NQO1: variants seen among roughly 807,000 people sequenced by gnomAD.
NQO1 encodes NAD(P)H dehydrogenase [quinone] 1.
Under a neutral mutation model 32.1 loss-of-function variants are expected in NQO1, and 30 were observed. The observed-to-expected ratio is 0.94, with a 90% CI of 0.70 to 1.27. NQO1 has a LOEUF of 1.27. Among genes scored for constraint, NQO1 ranks in the 50% most tolerant of loss-of-function variants. NQO1 has a pLI of 0.00. For synonymous variants in NQO1, 109 were observed against 119.7 expected (o/e 0.91, Z 0.59); for missense variants, 276 against 331.3 (o/e 0.83, Z 1.30).
chr16:69,726,557 G>A lies in NQO1; in HGVS notation c.-118C>T. On this transcript the variant is annotated 5_prime_UTR_variant, in exon 1 of 6. The change creates a new upstream start codon in the 5' untranslated region. Coordinates refer to ENST00000320623, the MANE Select transcript of NQO1 (RefSeq NM_000903.3). The stretch of plus-strand genomic sequence containing the variant: ...CCGGCTGCAACCTTGTGGGAGTCGC[G>A]TGTGTAGTGCACGGTGCATTCTCTC... 4.4e-6 allele frequency: 6 copies of A among 1,360,042 alleles called. No individual in the cohort carries two copies. In the South Asian group the frequency reaches 7.5e-5, roughly 17 times the overall value. The allele number at this position is 1,360,042 out of a possible 1,614,324, so 84.2% of individuals were successfully genotyped here.
At chr16:69,723,623 C>A (rs1467344413) in intron 1 of NQO1, among the ~76,000 whole-genome samples, 1 of 151,714 alleles carries the variant, frequency 6.6e-6, no homozygotes, top group African/African-American at 2.4e-5. Context: ...CATGGTGAAA[C>A]CCCGTCTCTA....
chr16:69,721,216 AC>A (rs2038185170), intron 1 of NQO1, among the ~76,000 whole-genome samples: 1 of 152,148 alleles, frequency 6.6e-6, no homozygotes, highest in Non-Finnish European at 1.5e-5. Flanking sequence ...TGTCAGGACA[AC>A]CTGCTATGTT....
intron 4 of NQO1, among the ~76,000 whole-genome samples, chr16:69,714,258 C>T (rs2038082122): frequency 6.6e-6 from 1 of 151,604 alleles, no homozygotes; most frequent in Non-Finnish European, 1.5e-5. Flanking sequence ...TAACCTCCAC[C>T]TCCTGGGTTT....
At chr16:69,720,024 G>A (rs1001775587) in intron 1 of NQO1, among the ~76,000 whole-genome samples, 5 of 152,082 alleles carry the variant, frequency 3.3e-5, no homozygotes, top group African/African-American at 4.8e-5. Context: ...AGGCCAAGGC[G>A]GGAACATTGC....
intron 5 of NQO1, 46 bp downstream of exon 5, chr16:69,712,982 G>A (rs775548502): frequency 2.0e-6 from 3 of 1,495,048 alleles, no homozygotes; most frequent in Non-Finnish European, 2.8e-6. Flanking sequence ...GACAGAGTGA[G>A]ACTCCGTCTC....
chr16:69,722,196 C>G (rs568114005), intron 1 of NQO1, among the ~76,000 whole-genome samples: 38 of 152,004 alleles, frequency 2.5e-4, no homozygotes, highest in Admixed American at 2.4e-3. Context: ...TGGAGTCTTG[C>G]TCTGTCACCC....
rs2038026541 is a variant in NQO1, at chr16:69,710,708, G to A, written c.*268C>T. The A allele has an allele frequency of 7.9e-6, 3 of 379,134 alleles. No individual in the cohort carries two copies. In the East Asian group the frequency reaches 1.4e-4, roughly 18 times the overall value. The allele number at this position is 379,134 out of a possible 1,614,324, so 23.5% of individuals were successfully genotyped here. On this transcript the variant is annotated 3_prime_UTR_variant, in exon 6 of 6. Transcript: ENST00000320623. ...AAAAGAGGAATTAAATTGTGTAGAT[G>A]CCTTTAAAGAACATTTTTCTAGCAT...
chr16:69,715,489 C>T (rs2151744079), intron 3 of NQO1, among the ~76,000 whole-genome samples: 1 of 152,338 alleles, frequency 6.6e-6, no homozygotes, highest in South Asian at 2.1e-4. Flanking sequence ...GACTGTTGGC[C>T]AGGCGCAGTG....
chr16:69,712,497 G>C (rs1362105473), intron 5 of NQO1, among the ~76,000 whole-genome samples: 1 of 152,214 alleles, frequency 6.6e-6, no homozygotes, highest in East Asian at 1.9e-4. Flanking sequence ...CTAGTCCTTG[G>C]CTGGGACAGA....
At chr16:69,717,907 G>T (rs1597600362) in intron 3 of NQO1, 1 of 665,134 alleles carries the variant, frequency 1.5e-6, no homozygotes, top group East Asian at 3.1e-5. Context: ...CACCGTGCCT[G>T]GCCTTGCAGT....
rs1039580953 is a variant in NQO1 at position 69,713,709 on chromosome 16, AT to A, written c.418-581del. ...GCGTTTTATTTTATTTTATTATTTCATTTTTTTTTTCCTGTGAGACAGAGTC... is the reference window on the plus strand; with the variant it reads ...GCGTTTTATTTTATTTTATTATTTCATTTTTTTTTCCTGTGAGACAGAGTC... On this transcript the variant is annotated intron_variant, in intron 4 of 5. Coordinates refer to ENST00000320623, the MANE Select transcript of NQO1 (RefSeq NM_000903.3). Among the ~76,000 whole-genome samples the A allele has an allele frequency of 3.7e-4, 55 of 147,770 alleles. 1 individual carries two copies. The highest frequency in any genetic ancestry group is 3.5e-3 in the Middle Eastern group (1 of 288).
At chr16:69,722,252 C>T (rs1158959970) in intron 1 of NQO1, among the ~76,000 whole-genome samples, 1 of 152,134 alleles carries the variant, frequency 6.6e-6, no homozygotes, top group African/African-American at 2.4e-5. Context: ...CAACTTCTGC[C>T]TCCCGGGTTC....
chr16:69,725,625 A>G (rs141706040), intron 1 of NQO1, among the ~76,000 whole-genome samples: 1,754 of 152,300 alleles, frequency 0.012, 25 homozygotes, highest in African/African-American at 0.037. Context: ...CAGTAATCTC[A>G]GCACTTGGGG....
At position 69,713,046 on chromosome 16, in the gene NQO1, G is replaced by T; in HGVS notation, c.501C>A (p.Val167=). 6.2e-7 allele frequency: 1 copy of T among 1,613,696 alleles called. No homozygotes were observed. The highest frequency in any genetic ancestry group is 1.7e-5 in the Admixed American group (1 of 59,964). ...SLQGIHGDMN[V]ILWPIQSGIL... Reference sequence around the variant, plus strand: ...GAGGTACCTGAATTGGCCAGAGAATGACATTCATGTCCCCGTGGATCCCTT... The same window carrying T: ...GAGGTACCTGAATTGGCCAGAGAATTACATTCATGTCCCCGTGGATCCCTT... The change falls in exon 5 of 6, where the codon GTC becomes GTA. Residue 167 remains valine (V), a synonymous_variant. Coordinates refer to ENST00000320623, the MANE Select transcript of NQO1 (RefSeq NM_000903.3).
intron 1 of NQO1, among the ~76,000 whole-genome samples, chr16:69,720,484 T>C (rs1188121418): frequency 1.3e-5 from 2 of 150,716 alleles, no homozygotes; most frequent in Admixed American, 6.6e-5. Flanking sequence ...TATTTGTATG[T>C]AGACTTGCAG....
intron 4 of NQO1, among the ~76,000 whole-genome samples, chr16:69,713,359 C>G (rs546267067): frequency 6.6e-6 from 1 of 152,320 alleles, no homozygotes; most frequent in African/African-American, 2.4e-5. Context: ...CAAACCCCCA[C>G]ATGTGGCTTA....
Position 69,709,717 on chromosome 16 carries a change from GAATT to G in NQO1, c.*1255_*1258del. 1 of 398,186 alleles carries G rather than the reference GAATT, an allele frequency of 2.5e-6. No individual in the cohort carries two copies. Among genetic ancestry groups the G allele is most frequent in the Non-Finnish European group, 4.4e-6 (1 of 225,950 alleles). 24.7% of individuals were successfully genotyped at this position (398,186 alleles called of 1,614,324 possible). A position where few individuals can be genotyped will look rare whatever the true frequency, so the allele number is the denominator to read the frequency against. ...GGCAGTGTTTTATCATATTCTCCTTGAATTATATAATACCAACAGTGGAATGAGA... is the reference window on the plus strand; with the variant it reads ...GGCAGTGTTTTATCATATTCTCCTTGATATAATACCAACAGTGGAATGAGA... On this transcript the variant is annotated 3_prime_UTR_variant, in exon 6 of 6. Transcript: ENST00000320623.
rs768219556 is a variant in NQO1, at chr16:69,709,678, A to G, written c.*1298T>C. 2.8e-5 allele frequency: 11 copies of G among 397,418 alleles called. No individual in the cohort carries two copies. Among genetic ancestry groups the G allele is most frequent in the Middle Eastern group, 6.3e-4 (1 of 1,584 alleles). The allele number at this position is 397,418 out of a possible 1,614,324, so 24.6% of individuals were successfully genotyped here. ...TCATCATTTCTCATCTCTTCTTTCA[A>G]TGCACCACAAGAGGGCAGTGTTTTA... On this transcript the variant is annotated 3_prime_UTR_variant, in exon 6 of 6. Coordinates refer to ENST00000320623, the MANE Select transcript of NQO1 (RefSeq NM_000903.3).
Position 69,718,144 on chromosome 16 carries a change from G to C in NQO1, c.282C>G (p.Ala94=), listed in dbSNP as rs761671165. 2 of 1,613,816 alleles carry C rather than the reference G, an allele frequency of 1.2e-6. No homozygotes were observed. Among genetic ancestry groups the C allele is most frequent in the African/African-American group, 1.3e-5 (1 of 74,878 alleles). Reference sequence around the variant, plus strand: ...ATACCTGGAATATCACAAGGTCTGCGGCTTCCAGCTTCTTTTGTTCAGCCA... The same window carrying C: ...ATACCTGGAATATCACAAGGTCTGCCGCTTCCAGCTTCTTTTGTTCAGCCA... ...DIVAEQKKLE[A]ADLVIFQFPL... Residue 94 remains alanine, a synonymous_variant, in exon 3 of 6, where the codon GCC becomes GCG. Transcript: ENST00000320623.
Sources: allele counts gnomAD v4.1 joint callset (sites outside exome capture counted in the v4.1 genomes callset), GRCh38; gene constraint gnomAD v4.1.1; transcripts MANE v1.5; gene names NCBI Gene and HGNC (gene_info 2026-07-23, HGNC 2026-07-21).